Variants in FXR2 observed in about 807,000 individuals in gnomAD.
The protein encoded by FXR2 is FMR1 autosomal homolog 2, also known as RNA-binding protein FXR2.
A neutral mutation model predicts 87.3 loss-of-function variants in FXR2; 9 were observed. The observed-to-expected ratio is 0.10, with a 90% CI of 0.06 to 0.18. The LOEUF (loss-of-function observed/expected upper bound fraction) is 0.18. FXR2 is among the 10% of genes least tolerant of loss of function. The probability of loss-of-function intolerance (pLI) is 1.00; values close to 1 mark genes in which losing one functional copy is unlikely to be tolerated. For synonymous variants in FXR2, 331 were observed against 328.3 expected (o/e 1.01, Z -0.09); for missense variants, 661 against 893.6 (o/e 0.74, Z 3.32).
At chr17:7,610,295 A>G (rs2150948315) in intron 1 of FXR2, among the ~76,000 whole-genome samples, 1 of 152,288 alleles carries the variant, frequency 6.6e-6, no homozygotes, top group South Asian at 2.1e-4. Context: ...ACTGACAGAA[A>G]GAAGTGGAAA....
chr17:7,609,471 G>A (rs888294825), intron 1 of FXR2, among the ~76,000 whole-genome samples: 1 of 152,018 alleles, frequency 6.6e-6, no homozygotes, highest in Non-Finnish European at 1.5e-5. Flanking sequence ...ATTACTACTG[G>A]TACTTCCTGG....
At chr17:7,602,782 C>T in intron 6 of FXR2, 127 bp downstream of exon 6, 3 of 599,366 alleles carry the variant, frequency 5.0e-6, no homozygotes, top group Non-Finnish European at 8.9e-6. Context: ...GAGTCAGGAG[C>T]AATAAAGTCC....
Position 7,593,617 on chromosome 17 carries a change from C to G in FXR2, c.1116G>C (p.Glu372Asp). ...EYHLSYLQEVEQLRLERLQID... is the reference protein window; with the variant it reads ...EYHLSYLQEVDQLRLERLQID... ...TTTGTAGCCTCTCCAAGCGAAGCTG[C>G]TCTACCTCCTGGTTGGGTAAAAGAT... Residue 372 changes from glutamate (E) to aspartate (D), a missense_variant, in exon 12 of 17, where the codon GAG becomes GAC. Glu to Asp is a conservative substitution (Grantham distance 45). Transcript: ENST00000250113. The surrounding 1 kb of genome is among the most constrained non-coding windows in gnomAD (Gnocchi z 6.1). The G allele has an allele frequency of 6.3e-7, 1 of 1,583,398 alleles. No individual in the cohort carries two copies. Among genetic ancestry groups the G allele is most frequent in the Non-Finnish European group, 8.6e-7 (1 of 1,165,586 alleles).
At position 7,591,607 on chromosome 17, in the gene FXR2, G is replaced by A; in HGVS notation, c.*223C>T. The stretch of plus-strand genomic sequence containing the variant: ...ACATCCAGTCTGATGGGGAAGGAGA[G>A]AGGCTCCCCTTACCCTGGGGGTAGG... On this transcript the variant is annotated 3_prime_UTR_variant, in exon 17 of 17. Coordinates refer to ENST00000250113, the MANE Select transcript of FXR2 (RefSeq NM_004860.4). The surrounding 1 kb of genome is among the most constrained non-coding windows in gnomAD (Gnocchi z 4.0). 1.8e-6 allele frequency: 1 copy of A among 561,320 alleles called. No homozygotes were observed. Among genetic ancestry groups the A allele is most frequent in the South Asian group, 2.0e-5 (1 of 50,494 alleles). 34.8% of individuals were successfully genotyped at this position (561,320 alleles called of 1,614,324 possible).
In FXR2 at chr17:7,593,403, C is replaced by T. The variant is rs1388692197; in HGVS notation, c.1330G>A (p.Gly444Ser). 6.4e-7 allele frequency: 1 copy of T among 1,563,316 alleles called. No homozygotes were observed. Among genetic ancestry groups the T allele is most frequent in the South Asian group, 1.2e-5 (1 of 85,104 alleles). The part of the protein sequence containing the change: ...RGRRTGGPAY[G>S]PSSDVSTASE... ...CCTCCTGTTCCCATAACTGTCTCACCATAGGCAGGACCGCCTGTCCTCCGG... is the reference window on the plus strand; with the variant it reads ...CCTCCTGTTCCCATAACTGTCTCACTATAGGCAGGACCGCCTGTCCTCCGG... Residue 444 changes from glycine to serine, a missense_variant and splice_region_variant, in exon 12 of 17, where the codon GGC becomes AGC. By Grantham distance (56) the Gly-to-Ser change is moderately conservative. Around this residue, in one of 3 missense-constraint regions of FXR2, gnomAD observed 409 missense variants for 432.0 expected, o/e 0.95. Transcript: ENST00000250113. This position sits in a 1 kb window ranked among gnomAD's most constrained non-coding sequence, Gnocchi z 6.1.
At chr17:7,604,209 A>C in intron 3 of FXR2, 129 bp from the exon 4 acceptor site, 1 of 699,740 alleles carries the variant, frequency 1.4e-6, no homozygotes, top group Non-Finnish European at 2.5e-6. Flanking sequence ...AGGCAAAAGG[A>C]CTGCTTATGC....
chr17:7,591,646 AG>A lies in FXR2; in HGVS notation c.*183del. 1.6e-6 allele frequency: 1 copy of A among 613,886 alleles called. No individual in the cohort carries two copies. The allele number at this position is 613,886 out of a possible 1,614,324, so 38.0% of individuals were successfully genotyped here. On this transcript the variant is annotated 3_prime_UTR_variant, in exon 17 of 17. Coordinates refer to ENST00000250113, the MANE Select transcript of FXR2 (RefSeq NM_004860.4). The surrounding 1 kb of genome is among the most constrained non-coding windows in gnomAD (Gnocchi z 4.0). ...CCTGGGGGTAGGGTGGACAAGAGGG[AG>A]GGGGTATGACCCTGTTACACACCCC...
rs368317958 is a variant in FXR2, at chr17:7,592,645, C to T, written c.1730-46G>A. 11 of 1,612,628 alleles carry T rather than the reference C, an allele frequency of 6.8e-6. No homozygotes were observed. In the South Asian group the frequency reaches 1.1e-4, roughly 16 times the overall value. ...AGAGTCACACATCCAACCTCCCACCCTCGATTCCTACCCATCTCTAACTTT... is the reference window on the plus strand; with the variant it reads ...AGAGTCACACATCCAACCTCCCACCTTCGATTCCTACCCATCTCTAACTTT... On this transcript the variant is annotated intron_variant, in intron 14 of 16. Coordinates refer to ENST00000250113, the MANE Select transcript of FXR2 (RefSeq NM_004860.4). This position sits in a 1 kb window ranked among gnomAD's most constrained non-coding sequence, Gnocchi z 4.8.
In FXR2 at chr17:7,592,127, C is replaced by T. The variant is rs1231565091; in HGVS notation, c.1926+127G>A. On this transcript the variant is annotated intron_variant, in intron 16 of 16. Transcript: ENST00000250113. The surrounding 1 kb of genome is among the most constrained non-coding windows in gnomAD (Gnocchi z 4.8). The stretch of plus-strand genomic sequence containing the variant: ...TTCTCTATCCTATTCAAAGTTTACA[C>T]TGGTCTAAACTCCATCAGACACAGC... 1.3e-6 allele frequency: 2 copies of T among 1,506,264 alleles called. No individual in the cohort carries two copies. Among genetic ancestry groups the T allele is most frequent in the South Asian group, 1.4e-5 (1 of 74,040 alleles). The allele number at this position is 1,506,264 out of a possible 1,614,324, so 93.3% of individuals were successfully genotyped here.
chr17:7,594,509 A>G lies in FXR2; in HGVS notation c.911-162T>C, dbSNP rs1190670818. 1 of 667,944 alleles carries G rather than the reference A, an allele frequency of 1.5e-6. No homozygotes were observed. Among genetic ancestry groups the G allele is most frequent in the Non-Finnish European group, 2.6e-6 (1 of 379,126 alleles). The allele number at this position is 667,944 out of a possible 1,614,324, so 41.4% of individuals were successfully genotyped here. ...GTGTTTTTACAGGACAAAATGTTAC[A>G]ATCCCTAGAAATTTATTCTTTCATT... On this transcript the variant is annotated intron_variant, in intron 9 of 16. Transcript: ENST00000250113. This position sits in a 1 kb window ranked among gnomAD's most constrained non-coding sequence, Gnocchi z 5.1.
intron 1 of FXR2, 91 bp downstream of exon 1, chr17:7,614,361 G>T: frequency 2.1e-6 from 2 of 952,432 alleles, no homozygotes; most frequent in Non-Finnish European, 3.1e-6. Context: ...CCAGGACTCA[G>T]CTCCAGAAGC....
At chr17:7,614,005 A>T (rs939512871) in intron 1 of FXR2, 2 of 456,478 alleles carry the variant, frequency 4.4e-6, no homozygotes, top group African/African-American at 4.0e-5. Context: ...TCTGAGGAAG[A>T]TGAAAGGATC....
chr17:7,610,564 G>C (rs1038718889), intron 1 of FXR2, among the ~76,000 whole-genome samples: 1 of 152,098 alleles, frequency 6.6e-6, no homozygotes, highest in Non-Finnish European at 1.5e-5. Context: ...TATATTTCCA[G>C]GGTCTTTTTC....
rs2071661635 is a variant in FXR2 at position 7,591,665 on chromosome 17, C to T, written c.*165G>A. Reference sequence around the variant, plus strand: ...AGAGGGAGGGGGTATGACCCTGTTACACACCCCTCCACTAGCTCCTGGAGG... The same window carrying T: ...AGAGGGAGGGGGTATGACCCTGTTATACACCCCTCCACTAGCTCCTGGAGG... On this transcript the variant is annotated 3_prime_UTR_variant, in exon 17 of 17. Coordinates refer to ENST00000250113, the MANE Select transcript of FXR2 (RefSeq NM_004860.4). The surrounding 1 kb of genome is among the most constrained non-coding windows in gnomAD (Gnocchi z 4.0). 8 of 661,142 alleles carry T rather than the reference C, an allele frequency of 1.2e-5. No homozygotes were observed. The highest frequency in any genetic ancestry group is 1.2e-4 in the South Asian group (7 of 59,474). The allele number at this position is 661,142 out of a possible 1,614,324, so 41.0% of individuals were successfully genotyped here.
rs1169848289 is a variant in FXR2 at position 7,595,116 on chromosome 17, T to TA, written c.832-360dup. ...ACAGAGTGAGTTAGACTCCATCTCA[T>TA]AAAAAAAAAAAATTAAACAAATAAA... On this transcript the variant is annotated intron_variant, in intron 8 of 16. Coordinates refer to ENST00000250113, the MANE Select transcript of FXR2 (RefSeq NM_004860.4). The surrounding 1 kb of genome is among the most constrained non-coding windows in gnomAD (Gnocchi z 4.7). 2.0e-3 allele frequency among the ~76,000 whole-genome samples: 256 copies of TA among 126,880 alleles called. No individual in the cohort carries two copies. The highest frequency in any genetic ancestry group is 5.6e-3 in the African/African-American group (193 of 34,226). 83.2% of individuals were successfully genotyped at this position (126,880 alleles called of 152,430 possible).
At chr17:7,609,935 T>TATATATACATGCATATGTATAC (rs2071838308) in intron 1 of FXR2, among the ~76,000 whole-genome samples, 5 of 104,420 alleles carry the variant, frequency 4.8e-5, no homozygotes, top group African/African-American at 2.2e-4. Flanking sequence ...TATATGTATA[T>TATATATACATGCATATGTATAC]ATATACATGT....
At chr17:7,614,177 A>T (rs1048982858) in intron 1 of FXR2, 4 of 657,078 alleles carry the variant, frequency 6.1e-6, no homozygotes, top group Admixed American at 2.1e-5. Context: ...TCTCCTGCGG[A>T]GCGGGGAGCG....
intron 3 of FXR2, among the ~76,000 whole-genome samples, chr17:7,604,551 G>A (rs1184973760): frequency 4.0e-5 from 6 of 151,674 alleles, no homozygotes; most frequent in African/African-American, 1.5e-4. Flanking sequence ...AATTAGCCGG[G>A]TGTGGTGCCA....
Position 7,601,494 on chromosome 17 carries a change from G to A in FXR2, c.575C>T (p.Ser192Phe), listed in dbSNP as rs764314853. 2 of 1,612,296 alleles carry A rather than the reference G, an allele frequency of 1.2e-6. No homozygotes were observed. ...STTEAPVKRASLLGDMHFRSL... is the reference protein window; with the variant it reads ...STTEAPVKRAFLLGDMHFRSL... ...TCGGAAATGCATATCACCCAGCAGA[G>A]ATGCTCGCTTCACAGGGGCTTCTGT... The change falls in exon 7 of 17, where the codon TCT becomes TTT. Residue 192 changes from serine to phenylalanine, a missense_variant. Ser to Phe is a radical substitution (Grantham distance 155). Coordinates refer to ENST00000250113, the MANE Select transcript of FXR2 (RefSeq NM_004860.4).
Sources: allele counts gnomAD v4.1 joint callset (sites outside exome capture counted in the v4.1 genomes callset), GRCh38; gene constraint gnomAD v4.1.1; regional missense constraint gnomAD v4.1.1; non-coding constraint Gnocchi (gnomAD v3.1); transcripts MANE v1.5; gene names NCBI Gene and HGNC (gene_info 2026-07-23, HGNC 2026-07-21).